The following PCDHGA3 variants were observed in gnomAD, a reference collection of about 807,000 sequenced individuals.
PCDHGA3 encodes the protein protocadherin gamma-A3.
Under a neutral mutation model 58.5 loss-of-function variants are expected in PCDHGA3, and 40 were observed. The observed-to-expected ratio is 0.68, with a 90% CI of 0.53 to 0.89. The LOEUF (loss-of-function observed/expected upper bound fraction) is 0.89, where lower values mean the gene tolerates loss of function less well. PCDHGA3 is among the 40% of genes least tolerant of loss of function. The probability of loss-of-function intolerance (pLI) is 0.00; values close to 1 mark genes in which losing one functional copy is unlikely to be tolerated. For synonymous variants in PCDHGA3, 530 were observed against 525.7 expected (o/e 1.01, Z -0.11); for missense variants, 1,223 against 1,195.9 (o/e 1.02, Z -0.33).
At chr5:141,351,815 G>A (rs1270557106) in intron 1 of PCDHGA3, 2 of 1,613,116 alleles carry the variant, frequency 1.2e-6, no homozygotes, top group East Asian at 2.2e-5. Flanking sequence ...CTTCGACCAC[G>A]AGCAGCTGCG....
At chr5:141,383,707 G>A in intron 1 of PCDHGA3, 3 of 1,613,998 alleles carry the variant, frequency 1.9e-6, no homozygotes, top group Non-Finnish European at 2.5e-6. Context: ...TATCGACCTG[G>A]ACGAGGGAGT....
intron 1 of PCDHGA3, chr5:141,428,048 G>A: frequency 6.2e-7 from 1 of 1,608,900 alleles, no homozygotes; most frequent in Admixed American, 1.7e-5. Context: ...TGGTGACCAA[G>A]GTGGTGGCGG....
chr5:141,427,046 C>G (rs916723344), intron 1 of PCDHGA3: 2 of 457,362 alleles, frequency 4.4e-6, no homozygotes, highest in Admixed American at 4.7e-5. Context: ...AGAATGTGCC[C>G]CCAGGCACCT....
chr5:141,480,112 C>T (rs531082602), intron 1 of PCDHGA3, among the ~76,000 whole-genome samples: 2 of 152,190 alleles, frequency 1.3e-5, no homozygotes, highest in Admixed American at 1.3e-4. Flanking sequence ...TAGCATGGTG[C>T]CTGGCATATC....
At chr5:141,353,863 T>C (rs773709033) in intron 1 of PCDHGA3, among the ~76,000 whole-genome samples, 4 of 152,250 alleles carry the variant, frequency 2.6e-5, no homozygotes, top group Non-Finnish European at 5.9e-5. Context: ...ACGTTTAATC[T>C]ACTCTCTCAA....
intron 1 of PCDHGA3, chr5:141,377,997 G>C (rs1774530725): frequency 6.6e-6 from 1 of 152,122 alleles, no homozygotes; most frequent in African/African-American, 2.4e-5. Flanking sequence ...CCTAAAGCTT[G>C]GCTCAAATAA....
chr5:141,352,692 A>T, intron 1 of PCDHGA3: 1 of 1,558,284 alleles, frequency 6.4e-7, no homozygotes, highest in Non-Finnish European at 8.7e-7. Flanking sequence ...AAATCTAGTT[A>T]AATTTTATAT....
intron 1 of PCDHGA3, chr5:141,354,990 CA>C (rs774913677): frequency 8.8e-5 from 56 of 635,190 alleles, no homozygotes; most frequent in Middle Eastern, 4.5e-4. Flanking sequence ...GTTCACCAAT[CA>C]GGGGGAAAAG....
chr5:141,511,351 C>G lies in PCDHGA3; in HGVS notation c.*178C>G, dbSNP rs1190324197. On this transcript the variant is annotated 3_prime_UTR_variant, in exon 4 of 4. Coordinates refer to ENST00000253812, the MANE Select transcript of PCDHGA3 (RefSeq NM_018916.4). The stretch of plus-strand genomic sequence containing the variant: ...CCAGTCAGCACCTACCCCTTCCCCC[C>G]CAGGGGGTTGAATATGCAAAAGCAG... 6 of 1,386,432 alleles carry G rather than the reference C, an allele frequency of 4.3e-6. No individual in the cohort carries two copies. The highest frequency in any genetic ancestry group is 2.9e-5 in the African/African-American group (2 of 68,574). The allele number at this position is 1,386,432 out of a possible 1,614,324, so 85.9% of individuals were successfully genotyped here.
chr5:141,417,713 C>G, intron 1 of PCDHGA3: 1 of 1,271,750 alleles, frequency 7.9e-7, no homozygotes, highest in Non-Finnish European at 1.1e-6. Flanking sequence ...CAGAGGCTCC[C>G]GGCTGCGCAG....
Position 141,353,200 on chromosome 5 carries a change from G to T in PCDHGA3, c.2424+6743G>T, listed in dbSNP as rs547023027. ...TGTATGGTTGGCAAATCTTGCTAAA[G>T]AGACCTGTTTCCTAGATGTTAACAC... On this transcript the variant is annotated intron_variant, in intron 1 of 3. Coordinates refer to ENST00000253812, the MANE Select transcript of PCDHGA3 (RefSeq NM_018916.4). Among the ~76,000 whole-genome samples, 16 of 152,240 alleles carry T rather than the reference G, an allele frequency of 1.1e-4. No individual in the cohort carries two copies. In the South Asian group the frequency reaches 3.3e-3, roughly 32 times the overall value.
Position 141,491,013 on chromosome 5 carries a change from G to C in PCDHGA3, c.2425-3794G>C. ...CTCCTCCTGGCTCCTTGGTCACCAA[G>C]GTGACAGCCGTGGATGCTGATGCAG... On this transcript the variant is annotated intron_variant, in intron 1 of 3. Transcript: ENST00000253812. The surrounding 1 kb of genome is among the most constrained non-coding windows in gnomAD (Gnocchi z 6.9). 6.2e-7 allele frequency: 1 copy of C among 1,614,144 alleles called. No homozygotes were observed. Among genetic ancestry groups the C allele is most frequent in the Non-Finnish European group, 8.5e-7 (1 of 1,180,040 alleles).
chr5:141,477,431 G>T lies in PCDHGA3; in HGVS notation c.2425-17376G>T. 3 of 1,614,080 alleles carry T rather than the reference G, an allele frequency of 1.9e-6. No homozygotes were observed. The highest frequency in any genetic ancestry group is 2.5e-6 in the Non-Finnish European group (3 of 1,180,012). On this transcript the variant is annotated intron_variant, in intron 1 of 3. Transcript: ENST00000253812. This position sits in a 1 kb window ranked among gnomAD's most constrained non-coding sequence, Gnocchi z 4.9. ...AGACGCCGGAACCCCTTCCCTCTCA[G>T]CCCTTACAATAGTGCGTGTTCAAGT...
rs1000935525 is a variant in PCDHGA3 at position 141,512,962 on chromosome 5, G to A, written c.*1789G>A. The A allele has an allele frequency of 1.3e-5, 2 of 152,030 alleles. No individual in the cohort carries two copies. The highest frequency in any genetic ancestry group is 4.8e-5 in the African/African-American group (2 of 41,366). The allele number at this position is 152,030 out of a possible 1,614,324, so 9.4% of individuals were successfully genotyped here. ...TTCTTCGACAAAAAAATAATAAAACGTTTCTTCTGAAAAGCTGAACGTTTC... is the reference window on the plus strand; with the variant it reads ...TTCTTCGACAAAAAAATAATAAAACATTTCTTCTGAAAAGCTGAACGTTTC... On this transcript the variant is annotated 3_prime_UTR_variant, in exon 4 of 4. Transcript: ENST00000253812.
Position 141,431,789 on chromosome 5 carries a change from G to A in PCDHGA3, c.2425-63018G>A, listed in dbSNP as rs760507500. On this transcript the variant is annotated intron_variant, in intron 1 of 3. Coordinates refer to ENST00000253812, the MANE Select transcript of PCDHGA3 (RefSeq NM_018916.4). This position sits in a 1 kb window ranked among gnomAD's most constrained non-coding sequence, Gnocchi z 4.8. ...CACTGTTCTGGACGTGAACGACAATGCCCCAGAAGTGGTCCTCACCTCTCT... is the reference window on the plus strand; with the variant it reads ...CACTGTTCTGGACGTGAACGACAATACCCCAGAAGTGGTCCTCACCTCTCT... 7.4e-6 allele frequency: 12 copies of A among 1,614,096 alleles called. No homozygotes were observed. The highest frequency in any genetic ancestry group is 5.9e-6 in the Non-Finnish European group (7 of 1,180,042).
chr5:141,375,643 CGACTAT>C, intron 1 of PCDHGA3: 1 of 1,614,210 alleles, frequency 6.2e-7, no homozygotes, highest in Non-Finnish European at 8.5e-7. Context: ...TGCGCTCCTT[CGACTAT>C]GAGCAGTTGA....
chr5:141,402,973 C>T (rs779898665), intron 1 of PCDHGA3: 4 of 1,608,044 alleles, frequency 2.5e-6, no homozygotes, highest in Non-Finnish European at 2.5e-6. Context: ...CAACCAAATG[C>T]CAGCTCCGCG....
chr5:141,399,576 C>G, intron 1 of PCDHGA3: 1 of 1,614,028 alleles, frequency 6.2e-7, no homozygotes, highest in South Asian at 1.1e-5. Flanking sequence ...ACGGCCAAGT[C>G]TCCTACTCTA....
intron 1 of PCDHGA3, chr5:141,361,965 G>A (rs1279903156): frequency 2.5e-6 from 4 of 1,602,122 alleles, no homozygotes; most frequent in Admixed American, 3.4e-5. Context: ...ACGTGCTGCA[G>A]GCCAGCGAGC....
Sources: allele counts gnomAD v4.1 joint callset (sites outside exome capture counted in the v4.1 genomes callset), GRCh38; gene constraint gnomAD v4.1.1; non-coding constraint Gnocchi (gnomAD v3.1); transcripts MANE v1.5; gene names NCBI Gene and HGNC (gene_info 2026-07-23, HGNC 2026-07-21).